The following WIPF2 variants were observed in gnomAD, a reference collection of about 807,000 sequenced individuals.
WIPF2 encodes WAS/WASL-interacting protein family member 2.
WIPF2 carries 23 observed loss-of-function variants against 38.8 expected under a neutral mutation model. The ratio of observed to expected loss-of-function variants is 0.59; its 90% CI spans 0.43 to 0.84. WIPF2 has a LOEUF of 0.84. Among genes scored for constraint, WIPF2 ranks in the 40% least tolerant of loss-of-function variants. The pLI, the probability that WIPF2 is intolerant of heterozygous loss-of-function variation, is 0.00. For synonymous variants in WIPF2, 210 were observed against 223.2 expected (o/e 0.94, Z 0.53); for missense variants, 574 against 580.5 (o/e 0.99, Z 0.11).
intron 6 of WIPF2, among the ~76,000 whole-genome samples, chr17:40,274,201 A>G (rs2032323485): frequency 6.6e-6 from 1 of 152,162 alleles, no homozygotes; most frequent in Non-Finnish European, 1.5e-5. Context: ...CTAAGCATGG[A>G]TGCTTTGGAG....
At position 40,264,763 on chromosome 17, in the gene WIPF2, A is replaced by G. The variant is rs200852275; in HGVS notation, c.587A>G (p.His196Arg). 2.0e-5 allele frequency: 31 copies of G among 1,574,072 alleles called. No individual in the cohort carries two copies. In the East Asian group the frequency reaches 6.4e-4, roughly 32 times the overall value. The stretch of plus-strand genomic sequence containing the variant: ...GCACCCCCCACACCTCTGCCTATGC[A>G]CAGCAGCAAAGCCCCCGCCTACAAC... Reference protein sequence around the residue: ...ANAPPTPLPMHSSKAPAYNRE... With the variant: ...ANAPPTPLPMRSSKAPAYNRE... Residue 196 changes from histidine to arginine, a missense_variant, in exon 5 of 8, where the codon CAC (histidine) becomes CGC (arginine). By Grantham distance (29) the His-to-Arg change is conservative (BLOSUM62 0). Transcript: ENST00000323571.
At chr17:40,226,296 C>T (rs762380129) in intron 1 of WIPF2, among the ~76,000 whole-genome samples, 3 of 151,580 alleles carry the variant, frequency 2.0e-5, no homozygotes, top group East Asian at 1.9e-4. Flanking sequence ...CTCCACCTCC[C>T]GGGTTCATGC....
chr17:40,276,520 C>CAAAAAAA, intron 6 of WIPF2, among the ~76,000 whole-genome samples: 1 of 71,610 alleles, frequency 1.4e-5, no homozygotes, highest in Middle Eastern at 8.9e-3. Context: ...GACTCCGTCT[C>CAAAAAAA]AAAAAAAAAA....
At chr17:40,255,020 C>T (rs1008628844) in intron 1 of WIPF2, among the ~76,000 whole-genome samples, 2 of 152,048 alleles carry the variant, frequency 1.3e-5, no homozygotes, top group East Asian at 3.9e-4. Flanking sequence ...AGGCTTGAGC[C>T]ACTGTGCCCG....
At chr17:40,278,114 G>A (rs2032461631) in intron 7 of WIPF2, 71 bp from the exon 8 acceptor site, 1 of 1,522,842 alleles carries the variant, frequency 6.6e-7, no homozygotes, top group Admixed American at 1.9e-5. Context: ...TCTCATTTTA[G>A]GAATGTGTGG....
chr17:40,220,940 T>A (rs925187501), intron 1 of WIPF2, among the ~76,000 whole-genome samples: 2 of 151,756 alleles, frequency 1.3e-5, no homozygotes, highest in African/African-American at 4.8e-5. Context: ...CACACCTGGC[T>A]AATTTTTTTT....
intron 1 of WIPF2, among the ~76,000 whole-genome samples, chr17:40,225,964 T>A (rs919734115): frequency 6.6e-6 from 1 of 152,072 alleles, no homozygotes; most frequent in Non-Finnish European, 1.5e-5. Context: ...AAAATTTAGT[T>A]TCTTAAGCTT....
chr17:40,226,451 G>A (rs1157220910), intron 1 of WIPF2, among the ~76,000 whole-genome samples: 2 of 151,346 alleles, frequency 1.3e-5, no homozygotes, highest in Non-Finnish European at 2.9e-5. Context: ...TCCTGACCTC[G>A]CGATCCGCCC....
rs185093143 is a variant in WIPF2 at position 40,281,550 on chromosome 17, T to A, written c.*3325T>A. 1 of 152,478 alleles carries A rather than the reference T, an allele frequency of 6.6e-6. No individual in the cohort carries two copies. Among genetic ancestry groups the A allele is most frequent in the Admixed American group, 6.5e-5 (1 of 15,298 alleles). The allele number at this position is 152,478 out of a possible 1,614,324, so 9.4% of individuals were successfully genotyped here. A position where few individuals can be genotyped will look rare whatever the true frequency, so the allele number is the denominator to read the frequency against. ...TGAGGCTGCTGTCTACAGGAGCTCA[T>A]CCCAGCCCTGTTAACTGGCAGTGGC... is the stretch of plus-strand genomic sequence containing the variant. On this transcript the variant is annotated 3_prime_UTR_variant, in exon 8 of 8. Coordinates refer to ENST00000323571, the MANE Select transcript of WIPF2 (RefSeq NM_133264.5).
At chr17:40,239,801 A>T (rs1365895917) in intron 1 of WIPF2, among the ~76,000 whole-genome samples, 2 of 144,600 alleles carry the variant, frequency 1.4e-5, no homozygotes, top group Non-Finnish European at 3.0e-5. Context: ...GCTTCAAAGG[A>T]TTCTCCTGCC....
chr17:40,264,720 C>T lies in WIPF2; in HGVS notation c.544C>T (p.Pro182Ser), dbSNP rs752639716. The stretch of plus-strand genomic sequence containing the variant: ...CTCCTCTGCCCCTCCCCCACCACCC[C>T]CAGGGCGGCGTGCCAACGCACCCCC... ...HSSSAPPPPP[P>S]GRRANAPPTP... The change falls in exon 5 of 8, where the codon CCA becomes TCA. Residue 182 changes from proline (P) to serine (S), a missense_variant. Physicochemically the swap from Pro to Ser is moderately conservative, Grantham distance 74 (BLOSUM62 -1). Coordinates refer to ENST00000323571, the MANE Select transcript of WIPF2 (RefSeq NM_133264.5). 5 of 1,611,496 alleles carry T rather than the reference C, an allele frequency of 3.1e-6. No homozygotes were observed. The highest frequency in any genetic ancestry group is 4.2e-6 in the Non-Finnish European group (5 of 1,178,848).
chr17:40,246,541 G>T (rs931073879), intron 1 of WIPF2, among the ~76,000 whole-genome samples: 1 of 151,632 alleles, frequency 6.6e-6, no homozygotes, highest in African/African-American at 2.4e-5. Flanking sequence ...CAGGATAACA[G>T]GCACCTGACA....
chr17:40,233,851 GT>G (rs1182383962), intron 1 of WIPF2, among the ~76,000 whole-genome samples: 2 of 151,812 alleles, frequency 1.3e-5, no homozygotes, highest in African/African-American at 4.8e-5. Context: ...ATCACCTGAG[GT>G]TGGGAGTTCG....
intron 1 of WIPF2, among the ~76,000 whole-genome samples, chr17:40,235,653 A>G (rs2030939250): frequency 6.7e-6 from 1 of 148,486 alleles, no homozygotes; most frequent in South Asian, 2.1e-4. Flanking sequence ...AGCTCACCAC[A>G]ACCTCCGCCT....
intron 5 of WIPF2, among the ~76,000 whole-genome samples, chr17:40,272,510 T>C (rs764183544): frequency 3.8e-4 from 58 of 152,308 alleles, no homozygotes; most frequent in Middle Eastern, 6.8e-3. Flanking sequence ...ATCTGCTGTA[T>C]ATATTTTGAA....
intron 3 of WIPF2, 84 bp from the exon 4 acceptor site, chr17:40,262,441 A>G (rs945507694): frequency 1.8e-5 from 20 of 1,092,102 alleles, no homozygotes; most frequent in Non-Finnish European, 2.6e-5. Flanking sequence ...GATAGCCCAG[A>G]TAGAGGAGTG....
intron 1 of WIPF2, chr17:40,219,707 T>C: frequency 7.3e-6 from 1 of 137,836 alleles, no homozygotes; most frequent in Non-Finnish European, 1.6e-5. Context: ...AGAGAGGGCG[T>C]GGGGAATCTG....
At chr17:40,220,573 G>GTATATATATATATA (rs762889347) in intron 1 of WIPF2, 2 of 77,108 alleles carry the variant, frequency 2.6e-5, no homozygotes, top group Non-Finnish European at 4.9e-5. Flanking sequence ...GTGTGTGTGT[G>GTATATATATATATA]TATATATATA....
intron 1 of WIPF2, among the ~76,000 whole-genome samples, chr17:40,228,498 A>G (rs536595353): frequency 2.0e-5 from 3 of 152,272 alleles, no homozygotes; most frequent in South Asian, 4.1e-4. Flanking sequence ...TCTTAGAACT[A>G]GAATTGCTGA....
Sources: allele counts gnomAD v4.1 joint callset (sites outside exome capture counted in the v4.1 genomes callset), GRCh38; gene constraint gnomAD v4.1.1; transcripts MANE v1.5; gene names NCBI Gene and HGNC (gene_info 2026-07-23, HGNC 2026-07-21).